The following KCNH1 variants were observed in gnomAD, a reference collection of about 807,000 sequenced individuals.
The protein encoded by KCNH1 is potassium voltage-gated channel subfamily H member 1.
A neutral mutation model predicts 69.2 loss-of-function variants in KCNH1; 27 were observed. The observed-to-expected ratio is 0.39, with a 90% CI of 0.29 to 0.54. The LOEUF is 0.54. Ranked by LOEUF, KCNH1 falls within the 20% of genes least tolerant of loss-of-function variation. The probability of loss-of-function intolerance (pLI) is 0.68; values close to 1 mark genes in which losing one functional copy is unlikely to be tolerated. For missense variants in KCNH1, 798 were observed against 1,261.6 expected (o/e 0.63, Z 5.57); for synonymous variants, 456 against 487.7 (o/e 0.93, Z 0.86).
At chr1:210,690,444 A>G (rs1307191785) in intron 10 of KCNH1, among the ~76,000 whole-genome samples, 1 of 152,074 alleles carries the variant, frequency 6.6e-6, no homozygotes, top group Non-Finnish European at 1.5e-5. Flanking sequence ...GGCTCACTTG[A>G]CGTAGCTTTC....
intron 1 of KCNH1, among the ~76,000 whole-genome samples, chr1:211,110,085 C>A (rs1355353538): frequency 1.3e-5 from 2 of 148,662 alleles, no homozygotes; most frequent in Non-Finnish European, 3.0e-5. Context: ...CTAAGAGGAA[C>A]AGCAAAAAGA....
Position 210,919,855 on chromosome 1 carries a change from T to C in KCNH1, c.1247A>G (p.Asn416Ser). 1.2e-6 allele frequency: 2 copies of C among 1,614,200 alleles called. No homozygotes were observed. Among genetic ancestry groups the C allele is most frequent in the Non-Finnish European group, 1.7e-6 (2 of 1,180,022 alleles). ...CATCGCTAGTTGGTACAGCCAGCTGTTGTTGCGGATTGTCTTGGTGTCCTC... is the reference window on the plus strand; with the variant it reads ...CATCGCTAGTTGGTACAGCCAGCTGCTGTTGCGGATTGTCTTGGTGTCCTC... ...FDEDTKTIRN[N>S]SWLYQLAMDI... Residue 416 changes from asparagine (N) to serine (S), a missense_variant, in exon 7 of 11, where the codon AAC becomes AGC. Physicochemically the swap from Asn to Ser is conservative, Grantham distance 46 (BLOSUM62 1). Coordinates refer to ENST00000271751, the MANE Select transcript of KCNH1 (RefSeq NM_172362.3). This position sits in a 1 kb window ranked among gnomAD's most constrained non-coding sequence, Gnocchi z 4.2.
At chr1:210,833,228 C>T (rs866888896) in intron 7 of KCNH1, among the ~76,000 whole-genome samples, 5 of 152,042 alleles carry the variant, frequency 3.3e-5, no homozygotes, top group Non-Finnish European at 7.4e-5. Context: ...GGGCACACAA[C>T]CTGAGAATTA....
In KCNH1 at chr1:210,919,585, TG is replaced by T; in HGVS notation, c.1462+54del. ...CCTGCTGGCACTGTAGCCATTTCCC[TG>T]TTTCCAGCTAACAGAAGAGATGGCC... On this transcript the variant is annotated intron_variant, in intron 7 of 10. Transcript: ENST00000271751. This position sits in a 1 kb window ranked among gnomAD's most constrained non-coding sequence, Gnocchi z 4.2. 1 of 1,482,006 alleles carries T rather than the reference TG, an allele frequency of 6.7e-7. No individual in the cohort carries two copies. Among genetic ancestry groups the T allele is most frequent in the Non-Finnish European group, 9.3e-7 (1 of 1,075,442 alleles). 91.8% of individuals were successfully genotyped at this position (1,482,006 alleles called of 1,614,324 possible). A position where few individuals can be genotyped will look rare whatever the true frequency, so the allele number is the denominator to read the frequency against.
chr1:210,719,500 A>G (rs1468804037), intron 10 of KCNH1, among the ~76,000 whole-genome samples: 1 of 152,152 alleles, frequency 6.6e-6, no homozygotes, highest in Non-Finnish European at 1.5e-5. Context: ...AACAATGAGA[A>G]CGTATGGACA....
intron 6 of KCNH1, among the ~76,000 whole-genome samples, chr1:210,952,877 G>C (rs904023271): frequency 4.6e-5 from 7 of 152,172 alleles, no homozygotes; most frequent in Admixed American, 1.3e-4. Context: ...CATTACATAA[G>C]CTAGGCAACC....
chr1:210,843,736 A>G (rs1351286391), intron 7 of KCNH1, among the ~76,000 whole-genome samples: 1 of 152,174 alleles, frequency 6.6e-6, no homozygotes, highest in African/African-American at 2.4e-5. Context: ...GTTGAGGGCA[A>G]CTGTTTGTTA....
chr1:210,896,423 A>G lies in KCNH1; in HGVS notation c.1462+23217T>C, dbSNP rs189515294. 4.8e-3 allele frequency among the ~76,000 whole-genome samples: 734 copies of G among 152,320 alleles called. 3 individuals are homozygous for G. The highest frequency in any genetic ancestry group is 7.0e-3 in the Non-Finnish European group (479 of 68,028). On this transcript the variant is annotated intron_variant, in intron 7 of 10. Transcript: ENST00000271751. Reference sequence around the variant, plus strand: ...CTAAGCAGTTCAGGGCAAAGTTGTGATAGACGTAACATCAAAGAATGCCTT... The same window carrying G: ...CTAAGCAGTTCAGGGCAAAGTTGTGGTAGACGTAACATCAAAGAATGCCTT...
intron 7 of KCNH1, among the ~76,000 whole-genome samples, chr1:210,806,822 A>T (rs1317375807): frequency 0.26 from 10,676 of 41,824 alleles, 1,733 homozygotes; most frequent in African/African-American, 0.3. Flanking sequence ...AAAAAAAAAA[A>T]AAAAAAAAAA....
Position 210,679,306 on chromosome 1 carries a change from T to G in KCNH1, c.*3975A>C, listed in dbSNP as rs1304254167. 1 of 152,150 alleles carries G rather than the reference T, an allele frequency of 6.6e-6. No individual in the cohort carries two copies. The highest frequency in any genetic ancestry group is 2.4e-5 in the African/African-American group (1 of 41,390). 9.4% of individuals were successfully genotyped at this position (152,150 alleles called of 1,614,324 possible). ...CTCCTCTTTAAGCAACACTAGGTGATAAGGGAGGAGAGAGGAAGGGGCATT... is the reference window on the plus strand; with the variant it reads ...CTCCTCTTTAAGCAACACTAGGTGAGAAGGGAGGAGAGAGGAAGGGGCATT... On this transcript the variant is annotated 3_prime_UTR_variant, in exon 11 of 11. Transcript: ENST00000271751.
chr1:210,683,455 C>T lies in KCNH1; in HGVS notation c.2796G>A (p.Glu932=). ...TTAAGGCCTTGATGTCCTCCTTCAG[C>T]TCGTGCCTCACCTCCAGGACTGTGG... ...LQATVLEVRH[E]LKEDIKALNA... Residue 932 remains glutamate, a synonymous_variant, in exon 11 of 11, where the codon GAG becomes GAA. Coordinates refer to ENST00000271751, the MANE Select transcript of KCNH1 (RefSeq NM_172362.3). The surrounding 1 kb of genome is among the most constrained non-coding windows in gnomAD (Gnocchi z 5.7). The T allele has an allele frequency of 6.2e-7, 1 of 1,614,186 alleles. No homozygotes were observed. Among genetic ancestry groups the T allele is most frequent in the Non-Finnish European group, 8.5e-7 (1 of 1,180,030 alleles).
At chr1:210,937,252 G>A (rs1041323363) in intron 6 of KCNH1, among the ~76,000 whole-genome samples, 4 of 152,048 alleles carry the variant, frequency 2.6e-5, no homozygotes, top group African/African-American at 9.7e-5. Context: ...CTTTCTAATT[G>A]TTGTACCTTC....
chr1:210,933,961 T>G (rs926834058), intron 6 of KCNH1, among the ~76,000 whole-genome samples: 2 of 152,124 alleles, frequency 1.3e-5, no homozygotes, highest in Non-Finnish European at 2.9e-5. Flanking sequence ...ATAAATGATG[T>G]TGGGGAAACT....
intron 10 of KCNH1, among the ~76,000 whole-genome samples, chr1:210,715,575 T>C (rs73067462): frequency 0.021 from 3,170 of 151,786 alleles, 47 homozygotes; most frequent in Middle Eastern, 0.037. Context: ...GCATTACTAA[T>C]CTTTCATAAA....
chr1:211,045,571 A>G (rs1690083160), intron 5 of KCNH1, among the ~76,000 whole-genome samples: 1 of 152,144 alleles, frequency 6.6e-6, no homozygotes, highest in Non-Finnish European at 1.5e-5. Flanking sequence ...TTTAATGTAT[A>G]CAACTTGAGG....
At chr1:210,806,664 T>C (rs927717028) in intron 7 of KCNH1, among the ~76,000 whole-genome samples, 3 of 151,086 alleles carry the variant, frequency 2.0e-5, no homozygotes, top group Non-Finnish European at 4.4e-5. Flanking sequence ...ATAGTTCATG[T>C]CTCTTTTTAA....
intron 6 of KCNH1, among the ~76,000 whole-genome samples, chr1:211,008,881 A>G (rs560702905): frequency 1.3e-5 from 2 of 152,358 alleles, no homozygotes; most frequent in African/African-American, 4.8e-5. Flanking sequence ...AACAAAGCCT[A>G]TATCAGATTA....
At chr1:210,729,415 T>C (rs1201832605) in intron 10 of KCNH1, among the ~76,000 whole-genome samples, 3 of 152,322 alleles carry the variant, frequency 2.0e-5, no homozygotes, top group Non-Finnish European at 4.4e-5. Context: ...ACGGCAATAA[T>C]GTCCACCCTG....
At chr1:210,990,072 TC>T (rs1274129545) in intron 6 of KCNH1, among the ~76,000 whole-genome samples, 2 of 152,150 alleles carry the variant, frequency 1.3e-5, no homozygotes, top group African/African-American at 4.8e-5. Flanking sequence ...GGTACATATC[TC>T]CCCCACCACA....
Sources: allele counts gnomAD v4.1 joint callset (sites outside exome capture counted in the v4.1 genomes callset), GRCh38; gene constraint gnomAD v4.1.1; non-coding constraint Gnocchi (gnomAD v3.1); transcripts MANE v1.5; gene names NCBI Gene and HGNC (gene_info 2026-07-23, HGNC 2026-07-21).